The following DPP6 variants were observed in gnomAD, a reference collection of about 807,000 sequenced individuals.
The protein encoded by DPP6 is dipeptidyl peptidase like 6.
DPP6 carries 69 observed loss-of-function variants against 122.6 expected under a neutral mutation model. The ratio of observed to expected loss-of-function variants is 0.56; its 90% CI spans 0.46 to 0.69. The LOEUF (loss-of-function observed/expected upper bound fraction) is 0.69, where lower values mean the gene tolerates loss of function less well. Ranked by LOEUF, DPP6 falls within the 30% of genes least tolerant of loss-of-function variation. DPP6 has a pLI of 0.00. For missense variants in DPP6, 928 were observed against 1,116.9 expected (o/e 0.83, Z 2.41); for synonymous variants, 418 against 433.1 (o/e 0.97, Z 0.43).
chr7:154,802,312 A>G (rs998759049), intron 13 of DPP6, among the ~76,000 whole-genome samples: 4 of 152,052 alleles, frequency 2.6e-5, no homozygotes, highest in African/African-American at 9.7e-5. Context: ...ATCCAAGAAC[A>G]TCCGCACTAA....
Position 154,144,728 on chromosome 7 carries a change from C to A in DPP6, c.243+91665C>A, listed in dbSNP as rs1417169826. The stretch of plus-strand genomic sequence containing the variant: ...AAGATAAGGCGTTTTTTTAGGGTTA[C>A]ATGATGTCATAAGGATGGGGCCCTA... On this transcript the variant is annotated intron_variant, in intron 1 of 25. Transcript: ENST00000377770. Among the ~76,000 whole-genome samples the A allele has an allele frequency of 4.6e-5, 7 of 152,038 alleles. No individual in the cohort carries two copies. In the East Asian group the frequency reaches 7.7e-4, roughly 17 times the overall value.
At chr7:154,750,819 A>G (rs1210973167) in intron 8 of DPP6, among the ~76,000 whole-genome samples, 2 of 152,190 alleles carry the variant, frequency 1.3e-5, no homozygotes, top group East Asian at 3.9e-4. Flanking sequence ...GAATCGAGGC[A>G]GTGGGCCGAG....
chr7:154,348,400 A>G (rs1045923948), intron 1 of DPP6, among the ~76,000 whole-genome samples: 2 of 152,248 alleles, frequency 1.3e-5, no homozygotes, highest in African/African-American at 4.8e-5. Flanking sequence ...TGAAAGTCTT[A>G]ATTAAATCTG....
the DPP6 span, among the ~76,000 whole-genome samples, chr7:153,837,837 ATTTTTTTTTTT>A: frequency 2.5e-5 from 2 of 80,628 alleles, no homozygotes; most frequent in African/African-American, 1.0e-4. Context: ...TGCCTGGTTA[ATTTTTTTTTTT>A]TTTTTTTTTT....
chr7:153,960,485 A>G (rs1461674981), intron 1 of DPP6, among the ~76,000 whole-genome samples: 2 of 152,026 alleles, frequency 1.3e-5, no homozygotes, highest in Non-Finnish European at 2.9e-5. Context: ...GCAAAAGATT[A>G]GGGATGGTTG....
At position 154,566,835 on chromosome 7, in the gene DPP6, C is replaced by T. The variant is rs1279950909; in HGVS notation, c.553-7C>T. On this transcript the variant is annotated splice_region_variant and splice_polypyrimidine_tract_variant and intron_variant, in intron 4 of 25. Transcript: ENST00000377770. ...CTTTAAAATTCTTTGTCTATTTTTT[C>T]TTTTAGGAATCATTAAGAGCCATCA... The T allele has an allele frequency of 1.3e-6, 2 of 1,516,742 alleles. No individual in the cohort carries two copies. Among genetic ancestry groups the T allele is most frequent in the Admixed American group, 1.8e-5 (1 of 55,300 alleles). 94.0% of individuals were successfully genotyped at this position (1,516,742 alleles called of 1,614,324 possible).
At chr7:154,331,181 G>A (rs1306138577) in intron 1 of DPP6, among the ~76,000 whole-genome samples, 1 of 152,194 alleles carries the variant, frequency 6.6e-6, no homozygotes, top group Non-Finnish European at 1.5e-5. Context: ...ACTGTGTAAA[G>A]ACTGGGTAGT....
chr7:154,515,723 G>C (rs7782045), intron 3 of DPP6, among the ~76,000 whole-genome samples: 64,520 of 151,908 alleles, frequency 0.42, 13,948 homozygotes, highest in Middle Eastern at 0.47. Flanking sequence ...ATCCGCCCTC[G>C]TCGGCCTCCC....
At chr7:154,732,110 C>T (rs1209275088) in intron 8 of DPP6, among the ~76,000 whole-genome samples, 1 of 151,830 alleles carries the variant, frequency 6.6e-6, no homozygotes, top group African/African-American at 2.4e-5. Context: ...GCAATCTCGG[C>T]TCACTGCAAG....
In DPP6 at chr7:154,855,097, G is replaced by A. The variant is rs187181646; in HGVS notation, c.1714+1270G>A. On this transcript the variant is annotated intron_variant, in intron 17 of 25. Transcript: ENST00000377770. ...AAGCTCCAGGAGAACTGGAGGCGGC[G>A]GCGGTGAGGCGCATGTTGGAAAGGA... is the stretch of plus-strand genomic sequence containing the variant. Among the ~76,000 whole-genome samples, 60 of 152,146 alleles carry A rather than the reference G, an allele frequency of 3.9e-4. No homozygotes were observed. The Middle Eastern group carries it at 0.02, about 52-fold the overall frequency.
the DPP6 span, among the ~76,000 whole-genome samples, chr7:153,807,456 A>G: frequency 6.6e-6 from 1 of 151,876 alleles, no homozygotes; most frequent in Non-Finnish European, 1.5e-5. Flanking sequence ...CCATAGAAGC[A>G]TATGAATAAT....
the DPP6 span, among the ~76,000 whole-genome samples, chr7:153,833,601 G>T: frequency 6.6e-6 from 1 of 152,016 alleles, no homozygotes; most frequent in Non-Finnish European, 1.5e-5. Flanking sequence ...AACCCAGGAG[G>T]TGGAGGTTGC....
chr7:154,680,721 T>C (rs28651676), intron 7 of DPP6, among the ~76,000 whole-genome samples: 24,417 of 151,448 alleles, frequency 0.16, 2,105 homozygotes, highest in East Asian at 0.34. Context: ...GAGAAGAAAA[T>C]GTATTGTTAA....
At chr7:154,200,042 T>C (rs1010895739) in intron 1 of DPP6, among the ~76,000 whole-genome samples, 3 of 152,214 alleles carry the variant, frequency 2.0e-5, no homozygotes, top group Admixed American at 1.3e-4. Context: ...ATGGAATTAC[T>C]CGGAGCTTTT....
At chr7:154,880,089 T>C (rs1330917529) in intron 20 of DPP6, among the ~76,000 whole-genome samples, 1 of 152,248 alleles carries the variant, frequency 6.6e-6, no homozygotes, top group Non-Finnish European at 1.5e-5. Flanking sequence ...ACATTATGGC[T>C]TGGCTTGAGG....
intron 1 of DPP6, among the ~76,000 whole-genome samples, chr7:154,168,218 A>G (rs1328339455): frequency 6.6e-6 from 1 of 152,196 alleles, no homozygotes; most frequent in Non-Finnish European, 1.5e-5. Context: ...GCCCAGACAG[A>G]CGAGAGGGAA....
intron 21 of DPP6, chr7:154,884,895 C>T (rs1209468136): frequency 6.6e-6 from 1 of 152,156 alleles, no homozygotes; most frequent in East Asian, 1.9e-4. Flanking sequence ...ACACACATAT[C>T]ACACACACAC....
chr7:154,628,308 C>T lies in DPP6; in HGVS notation c.628-9513C>T, dbSNP rs376345073. ...ATTCTTCCCATGGAAGCAAAAGAGACCAGGCCTACTGACATGCATGTACTC... is the reference window on the plus strand; with the variant it reads ...ATTCTTCCCATGGAAGCAAAAGAGATCAGGCCTACTGACATGCATGTACTC... On this transcript the variant is annotated intron_variant, in intron 5 of 25. Coordinates refer to ENST00000377770, the MANE Select transcript of DPP6 (RefSeq NM_130797.4). 3.3e-5 allele frequency among the ~76,000 whole-genome samples: 5 copies of T among 152,184 alleles called. No individual in the cohort carries two copies. In the East Asian group the frequency reaches 9.6e-4, roughly 29 times the overall value.
chr7:153,949,496 G>A (rs926935759), intron 1 of DPP6, among the ~76,000 whole-genome samples: 5 of 152,032 alleles, frequency 3.3e-5, no homozygotes, highest in African/African-American at 1.2e-4. Flanking sequence ...CTACTTTTTC[G>A]TGCCTCATGC....
Sources: gnomAD v4.1 joint callset for allele counts (sites outside exome capture counted in the v4.1 genomes callset) on GRCh38, gnomAD v4.1.1 for gene constraint, MANE v1.5 for transcripts, NCBI Gene and HGNC (gene_info 2026-07-23, HGNC 2026-07-21) for gene names.